The following CTSS variants were observed in gnomAD, a reference collection of about 807,000 sequenced individuals.
CTSS encodes cathepsin S.
In CTSS, 15 loss-of-function variants were observed where a neutral mutation model predicts 39.9. The observed-to-expected ratio is 0.38, with a 90% CI of 0.25 to 0.58. CTSS has a LOEUF of 0.58. Among genes scored for constraint, CTSS ranks in the 20% least tolerant of loss-of-function variants. The pLI is 0.70. For missense variants in CTSS, 250 were observed against 398.2 expected (o/e 0.63, Z 3.17); for synonymous variants, 126 against 138.2 (o/e 0.91, Z 0.62).
chr1:150,739,625 AC>A (rs1237223560), intron 7 of CTSS, among the ~76,000 whole-genome samples: 2 of 152,120 alleles, frequency 1.3e-5, no homozygotes, highest in South Asian at 2.1e-4. Context: ...AGATTGTGCC[AC>A]TGCACTCCAG....
intron 4 of CTSS, among the ~76,000 whole-genome samples, chr1:150,753,604 A>G (rs911866398): frequency 2.0e-5 from 3 of 152,150 alleles, no homozygotes; most frequent in Non-Finnish European, 2.9e-5. Flanking sequence ...TTAAACACCT[A>G]TTTGCTTAGT....
intron 4 of CTSS, among the ~76,000 whole-genome samples, chr1:150,752,747 T>C (rs1480304788): frequency 1.3e-5 from 2 of 152,254 alleles, no homozygotes; most frequent in African/African-American, 4.8e-5. Flanking sequence ...TTATTGGGTC[T>C]TCTAAAAGCT....
At position 150,753,191 on chromosome 1, in the gene CTSS, T is replaced by G. The variant is rs143088656; in HGVS notation, c.400-1183A>C. Among the ~76,000 whole-genome samples, 13 of 152,252 alleles carry G rather than the reference T, an allele frequency of 8.5e-5. No homozygotes were observed. In the East Asian group the frequency reaches 2.3e-3, roughly 27 times the overall value. On this transcript the variant is annotated intron_variant, in intron 4 of 7. Coordinates refer to ENST00000368985, the MANE Select transcript of CTSS (RefSeq NM_004079.5). ...CCTAATAAATTTTTACTTTCTTCATTGATCACAACCTGGGGTAGCTGCTCA... is the reference window on the plus strand; with the variant it reads ...CCTAATAAATTTTTACTTTCTTCATGGATCACAACCTGGGGTAGCTGCTCA...
intron 5 of CTSS, 71 bp from the exon 6 acceptor site, chr1:150,750,242 G>A: frequency 8.1e-7 from 1 of 1,233,848 alleles, no homozygotes; most frequent in Non-Finnish European, 1.1e-6. Context: ...TCCTAAGCCT[G>A]GATTTTAAAT....
chr1:150,748,582 CTT>C (rs745861762), intron 6 of CTSS, among the ~76,000 whole-genome samples: 8 of 136,250 alleles, frequency 5.9e-5, no homozygotes, highest in Admixed American at 7.4e-5. Flanking sequence ...CAGATATTAG[CTT>C]TTTTTTTTTT....
At chr1:150,734,464 A>C (rs1652592178) in intron 7 of CTSS, among the ~76,000 whole-genome samples, 1 of 151,874 alleles carries the variant, frequency 6.6e-6, no homozygotes, top group Non-Finnish European at 1.5e-5. Flanking sequence ...AACATGGTGA[A>C]ACCCCGTCTC....
At chr1:150,734,774 A>G (rs1652598895) in intron 7 of CTSS, among the ~76,000 whole-genome samples, 1 of 152,218 alleles carries the variant, frequency 6.6e-6, no homozygotes, top group Admixed American at 6.5e-5. Flanking sequence ...TTTTGAGTAA[A>G]TAAATTTATA....
intron 2 of CTSS, 118 bp downstream of exon 2, chr1:150,764,520 G>A (rs1486541643): frequency 1.0e-5 from 14 of 1,380,240 alleles, no homozygotes; most frequent in East Asian, 4.7e-5. Context: ...TTACAGGCGC[G>A]AGCCACCACA....
At chr1:150,740,639 G>A (rs587603857) in intron 7 of CTSS, among the ~76,000 whole-genome samples, 1 of 152,202 alleles carries the variant, frequency 6.6e-6, no homozygotes, top group African/African-American at 2.4e-5. Context: ...TGATCCACCT[G>A]CCTTGGCCTC....
intron 2 of CTSS, among the ~76,000 whole-genome samples, chr1:150,760,258 A>C (rs1288468944): frequency 6.6e-6 from 1 of 152,226 alleles, no homozygotes; most frequent in African/African-American, 2.4e-5. Context: ...ACGAAACCGT[A>C]TGATCATTTA....
chr1:150,758,247 G>A (rs1304361307), intron 2 of CTSS, among the ~76,000 whole-genome samples: 42 of 151,800 alleles, frequency 2.8e-4, no homozygotes. Context: ...ACGGGGTTTC[G>A]TCATGTTGGC....
intron 5 of CTSS, 49 bp downstream of exon 5, chr1:150,751,732 G>A: frequency 6.5e-7 from 1 of 1,541,878 alleles, no homozygotes; most frequent in South Asian, 1.1e-5. Flanking sequence ...GTCAGTCAGT[G>A]GATAACATGA....
chr1:150,757,617 G>A (rs1571105259), intron 3 of CTSS, among the ~76,000 whole-genome samples: 1 of 151,746 alleles, frequency 6.6e-6, no homozygotes, highest in East Asian at 1.9e-4. Flanking sequence ...AAAAACAATG[G>A]TAGTCTCTGA....
At chr1:150,765,351 C>T (rs1653353418) in intron 1 of CTSS, among the ~76,000 whole-genome samples, 2 of 151,546 alleles carry the variant, frequency 1.3e-5, no homozygotes, top group Admixed American at 6.6e-5. Context: ...CTTTAAAATG[C>T]CACTTCTGTA....
intron 6 of CTSS, chr1:150,748,314 A>G (rs889916470): frequency 2.6e-5 from 4 of 153,992 alleles, no homozygotes; most frequent in African/African-American, 9.7e-5. Flanking sequence ...AGTCAAGGAC[A>G]TATACTGTCA....
At chr1:150,735,713 C>G (rs182810965) in intron 7 of CTSS, among the ~76,000 whole-genome samples, 2 of 151,372 alleles carry the variant, frequency 1.3e-5, no homozygotes, top group African/African-American at 4.9e-5. Flanking sequence ...CTCAGCCTTA[C>G]AAGTAGCTAG....
chr1:150,746,365 T>G (rs1652895287), intron 7 of CTSS, among the ~76,000 whole-genome samples: 2 of 152,180 alleles, frequency 1.3e-5, no homozygotes, highest in South Asian at 4.1e-4. Flanking sequence ...GAAGTTATGT[T>G]CCTTTTGTTT....
At chr1:150,739,856 T>C (rs1306123218) in intron 7 of CTSS, among the ~76,000 whole-genome samples, 1 of 151,916 alleles carries the variant, frequency 6.6e-6, no homozygotes, top group East Asian at 1.9e-4. Context: ...GTAAGAAGGC[T>C]GATGAAACTA....
At chr1:150,738,963 G>A (rs1481649493) in intron 7 of CTSS, among the ~76,000 whole-genome samples, 2 of 152,138 alleles carry the variant, frequency 1.3e-5, no homozygotes, top group Admixed American at 1.3e-4. Context: ...GGGAGGCCAA[G>A]GCAGGTGGAT....
Sources: gnomAD v4.1 joint callset for allele counts (sites outside exome capture counted in the v4.1 genomes callset) on GRCh38, gnomAD v4.1.1 for gene constraint, MANE v1.5 for transcripts, NCBI Gene and HGNC (gene_info 2026-07-23, HGNC 2026-07-21) for gene names.